C12orf42: variants seen among roughly 807,000 people sequenced by gnomAD.
C12orf42 encodes uncharacterized protein C12orf42.
C12orf42 carries 25 observed loss-of-function variants against 21.6 expected under a neutral mutation model. That is an observed-to-expected ratio of 1.16 (90% CI 0.84 to 1.62). C12orf42 has a LOEUF of 1.62. Among genes scored for constraint, C12orf42 ranks in the 40% most tolerant of loss-of-function variants. C12orf42 has a pLI of 0.00. For missense variants in C12orf42, 483 were observed against 459.3 expected (o/e 1.05, Z -0.47); for synonymous variants, 174 against 175.0 (o/e 0.99, Z 0.05).
the C12orf42 span, among the ~76,000 whole-genome samples, chr12:103,057,853 C>T: frequency 1.3e-5 from 2 of 152,112 alleles, no homozygotes; most frequent in Non-Finnish European, 2.9e-5. Context: ...CATAGCATTG[C>T]CAGCATCCAT....
At chr12:103,406,466 T>C (rs961309936) in intron 2 of C12orf42, among the ~76,000 whole-genome samples, 2 of 152,320 alleles carry the variant, frequency 1.3e-5, no homozygotes, top group East Asian at 3.9e-4. Flanking sequence ...CCATTACAGA[T>C]GAAACATACA....
the C12orf42 span, among the ~76,000 whole-genome samples, chr12:103,091,263 A>C: frequency 2.0e-5 from 3 of 152,138 alleles, no homozygotes; most frequent in African/African-American, 7.2e-5. Context: ...TATGCCAGCT[A>C]TAGGCAGGCA....
chr12:103,473,155 C>A (rs897918215), intron 2 of C12orf42, among the ~76,000 whole-genome samples: 5 of 152,142 alleles, frequency 3.3e-5, no homozygotes, highest in Non-Finnish European at 7.3e-5. Flanking sequence ...AATGCCATTT[C>A]TTTGATTAAT....
chr12:103,116,064 T>C, the C12orf42 span, among the ~76,000 whole-genome samples: 9 of 152,292 alleles, frequency 5.9e-5, no homozygotes, highest in Non-Finnish European at 8.8e-5. Flanking sequence ...TGCCTCCTGA[T>C]GAAATATAAA....
the C12orf42 span, among the ~76,000 whole-genome samples, chr12:103,227,359 G>A: frequency 1.3e-3 from 201 of 151,938 alleles, no homozygotes; most frequent in Middle Eastern, 0.01. Context: ...ATAAGAGGTC[G>A]GGGTGAGGAA....
chr12:103,052,674 T>C, the C12orf42 span, among the ~76,000 whole-genome samples: 1 of 152,080 alleles, frequency 6.6e-6, no homozygotes, highest in Non-Finnish European at 1.5e-5. Context: ...TTTTATTAAC[T>C]ATAATTTTTA....
chr12:103,466,557 C>T, intron 2 of C12orf42, among the ~76,000 whole-genome samples: 1 of 108,206 alleles, frequency 9.2e-6, no homozygotes, highest in Non-Finnish European at 2.2e-5. Context: ...AAACAGATTT[C>T]TGTCTCTCCC....
intron 10 of C12orf42, among the ~76,000 whole-genome samples, chr12:103,261,476 C>T (rs1471747649): frequency 2.5e-5 from 2 of 78,836 alleles, no homozygotes; most frequent in African/African-American, 3.9e-5. Flanking sequence ...GAGACTCTTT[C>T]AAAAAAAAAA....
At chr12:103,507,228 A>T in the C12orf42 span, among the ~76,000 whole-genome samples, 132 of 27,806 alleles carry the variant, frequency 4.7e-3, 20 homozygotes, top group South Asian at 0.048. Context: ...TATAAATATA[A>T]ATATATATAT....
chr12:103,248,118 G>T (rs978251509), intron 10 of C12orf42, among the ~76,000 whole-genome samples: 1 of 151,928 alleles, frequency 6.6e-6, no homozygotes, highest in African/African-American at 2.4e-5. Context: ...TTTCCTTAGG[G>T]TCTTATTCTG....
At chr12:103,488,315 T>G (rs1267812285) in intron 1 of C12orf42, among the ~76,000 whole-genome samples, 1 of 152,232 alleles carries the variant, frequency 6.6e-6, no homozygotes, top group Non-Finnish European at 1.5e-5. Flanking sequence ...TCTGCCGAGA[T>G]ATCTGCTGTT....
the C12orf42 span, among the ~76,000 whole-genome samples, chr12:103,205,835 A>C: frequency 6.6e-6 from 1 of 152,340 alleles, no homozygotes; most frequent in Non-Finnish European, 1.5e-5. Context: ...GAATCTTAAA[A>C]ATACAATGTT....
the C12orf42 span, among the ~76,000 whole-genome samples, chr12:103,068,932 CACATATATATATATATATAT>C: frequency 1.7e-3 from 83 of 48,210 alleles, 2 homozygotes; most frequent in South Asian, 2.9e-3. Flanking sequence ...TCTCTCTCTC[CACATATATATATATATATAT>C]ATATATATAT....
chr12:103,389,039 T>C (rs2046855298), intron 3 of C12orf42, among the ~76,000 whole-genome samples: 1 of 152,168 alleles, frequency 6.6e-6, no homozygotes, highest in Non-Finnish European at 1.5e-5. Context: ...ACAGTTGTGC[T>C]TGGCAACTCA....
the C12orf42 span, chr12:103,558,626 T>A: frequency 6.6e-6 from 1 of 152,222 alleles, no homozygotes; most frequent in African/African-American, 2.4e-5. Context: ...CTTCATAGAA[T>A]CTACAGTAAA....
chr12:103,296,321 C>T lies in C12orf42; in HGVS notation n.338-19111G>A, dbSNP rs547888341. 2.6e-5 allele frequency among the ~76,000 whole-genome samples: 4 copies of T among 152,236 alleles called. No homozygotes were observed. In the East Asian group the frequency reaches 7.7e-4, roughly 29 times the overall value. On this transcript the variant is annotated intron_variant and non_coding_transcript_variant, in intron 4 of 6. Coordinates refer to the C12orf42 transcript ENST00000546526. ...CTATTGTGAATAGTGCCACAATACACACACGTGTGCATGTGTCTTTATAGC... is the reference window on the plus strand; with the variant it reads ...CTATTGTGAATAGTGCCACAATACATACACGTGTGCATGTGTCTTTATAGC...
At chr12:103,296,558 C>T (rs1461186002) in intron 4 of C12orf42, among the ~76,000 whole-genome samples, 2 of 151,500 alleles carry the variant, frequency 1.3e-5, no homozygotes, top group African/African-American at 2.4e-5. Flanking sequence ...GCCATTCTAA[C>T]TGGTGTGAGA....
chr12:103,492,132 C>T (rs1376275801), intron 1 of C12orf42, among the ~76,000 whole-genome samples: 1 of 152,020 alleles, frequency 6.6e-6, no homozygotes, highest in Non-Finnish European at 1.5e-5. Flanking sequence ...AATTTTTATA[C>T]TTTTTAGTAG....
chr12:103,160,901 A>G, the C12orf42 span, among the ~76,000 whole-genome samples: 13 of 152,354 alleles, frequency 8.5e-5, no homozygotes, highest in African/African-American at 2.6e-4. Flanking sequence ...CACTCACTAT[A>G]CAGTCACCCT....
Sources: allele counts gnomAD v4.1 joint callset (sites outside exome capture counted in the v4.1 genomes callset), GRCh38; gene constraint gnomAD v4.1.1; transcripts MANE v1.5; gene names NCBI Gene and HGNC (gene_info 2026-07-23, HGNC 2026-07-21).